The following SGCZ variants were observed in gnomAD, a reference collection of about 807,000 sequenced individuals.
SGCZ encodes the protein zeta-sarcoglycan.
A neutral mutation model predicts 41.3 loss-of-function variants in SGCZ; 40 were observed. The ratio of observed to expected loss-of-function variants is 0.97; its 90% CI spans 0.75 to 1.26. The LOEUF is 1.26. Ranked by LOEUF, SGCZ falls within the 50% of genes most tolerant of loss-of-function variation. The pLI, the probability that SGCZ is intolerant of heterozygous loss-of-function variation, is 0.00. For synonymous variants in SGCZ, 206 were observed against 137.5 expected, an observed-to-expected ratio of 1.50 and a Z score of -3.49; for missense variants, 552 against 369.8, an observed-to-expected ratio of 1.49 and a Z score of -4.04.
intron 1 of SGCZ, among the ~76,000 whole-genome samples, chr8:15,032,339 T>A (rs1803704099): frequency 6.6e-6 from 1 of 151,448 alleles, no homozygotes. Flanking sequence ...CAAAGGACAG[T>A]TTTACATGAC....
intron 1 of SGCZ, among the ~76,000 whole-genome samples, chr8:14,860,235 G>A (rs963949629): frequency 6.7e-6 from 1 of 148,732 alleles, no homozygotes; most frequent in Admixed American, 6.7e-5. Flanking sequence ...TATGACCTTC[G>A]TTCGAAAATG....
intron 2 of SGCZ, among the ~76,000 whole-genome samples, chr8:14,472,868 T>C (rs1020383157): frequency 7.9e-5 from 12 of 152,166 alleles, no homozygotes; most frequent in Non-Finnish European, 1.8e-4. Context: ...TTATCAATGC[T>C]AAGTTATCCC....
chr8:14,353,608 A>T (rs1027999704), intron 2 of SGCZ, among the ~76,000 whole-genome samples: 2 of 151,980 alleles, frequency 1.3e-5, no homozygotes, highest in East Asian at 3.9e-4. Flanking sequence ...TCTTCCTTTC[A>T]CTATGCTGTT....
At chr8:14,884,323 A>G (rs919193777) in intron 1 of SGCZ, among the ~76,000 whole-genome samples, 1 of 152,152 alleles carries the variant, frequency 6.6e-6, no homozygotes, top group Non-Finnish European at 1.5e-5. Context: ...AATAAGTTTT[A>G]CAATGACACT....
At chr8:15,034,899 G>T (rs202080299) in intron 1 of SGCZ, among the ~76,000 whole-genome samples, 6 of 152,092 alleles carry the variant, frequency 3.9e-5, no homozygotes, top group South Asian at 4.1e-4. Context: ...TATTTTTCCA[G>T]ATAAACAAAA....
Position 14,420,265 on chromosome 8 carries a change from C to A in SGCZ, c.235-96061G>T, listed in dbSNP as rs548982940. Among the ~76,000 whole-genome samples the A allele has an allele frequency of 2.0e-5, 3 of 151,872 alleles. No homozygotes were observed. The East Asian group carries it at 5.8e-4, about 29-fold the overall frequency. On this transcript the variant is annotated intron_variant, in intron 2 of 7. Transcript: ENST00000382080. ...TTCTCCTAAAGAAGACTAATAGAAA[C>A]AAAAGAAAAATAAATCTTTGCAGCC...
chr8:14,688,461 C>T (rs968532043), intron 1 of SGCZ, among the ~76,000 whole-genome samples: 1 of 152,226 alleles, frequency 6.6e-6, no homozygotes, highest in South Asian at 2.1e-4. Flanking sequence ...AATCCATTCC[C>T]CATTGCTTGT....
chr8:14,944,122 T>G (rs913122135), intron 1 of SGCZ, among the ~76,000 whole-genome samples: 3 of 152,116 alleles, frequency 2.0e-5, no homozygotes, highest in Non-Finnish European at 4.4e-5. Flanking sequence ...AGCCATCCTC[T>G]CCCCGCTTCA....
At chr8:14,224,259 G>A (rs372548436) in intron 4 of SGCZ, among the ~76,000 whole-genome samples, 4 of 152,174 alleles carry the variant, frequency 2.6e-5, no homozygotes, top group Admixed American at 2.0e-4. Context: ...AGTACATCCA[G>A]AAATTCATTT....
intron 1 of SGCZ, among the ~76,000 whole-genome samples, chr8:14,634,325 T>G (rs1457285676): frequency 6.6e-6 from 1 of 151,866 alleles, no homozygotes; most frequent in African/African-American, 2.4e-5. Context: ...TTATCCATTT[T>G]AAAGGGATAC....
At chr8:15,077,612 T>C (rs556453771) in intron 1 of SGCZ, among the ~76,000 whole-genome samples, 7 of 152,348 alleles carry the variant, frequency 4.6e-5, no homozygotes, top group South Asian at 4.1e-4. Context: ...TGTTGAACTC[T>C]AGGAATAGCC....
At chr8:15,176,080 T>G (rs1003364659) in intron 1 of SGCZ, among the ~76,000 whole-genome samples, 10 of 152,204 alleles carry the variant, frequency 6.6e-5, no homozygotes. Flanking sequence ...AGTGTTAAGT[T>G]TAACATTTTC....
At chr8:14,463,884 G>C (rs1436679989) in intron 2 of SGCZ, among the ~76,000 whole-genome samples, 1 of 145,444 alleles carries the variant, frequency 6.9e-6, no homozygotes, top group Non-Finnish European at 1.5e-5. Flanking sequence ...ATGATCATGT[G>C]TTTTTCTGCC....
rs150390039 is a variant in SGCZ at position 14,720,553 on chromosome 8, G to C, written c.40-165627C>G. 4.0e-4 allele frequency among the ~76,000 whole-genome samples: 61 copies of C among 151,794 alleles called. 1 individual carries two copies. The highest frequency in any genetic ancestry group is 1.5e-3 in the African/African-American group (60 of 41,248). On this transcript the variant is annotated intron_variant, in intron 1 of 7. Coordinates refer to ENST00000382080, the MANE Select transcript of SGCZ (RefSeq NM_139167.4). Reference sequence around the variant, plus strand: ...TTCCTAGGTTCACTCTGTATCAGTGGTCATCTGAGTTATTCTTATCCTTAT... The same window carrying C: ...TTCCTAGGTTCACTCTGTATCAGTGCTCATCTGAGTTATTCTTATCCTTAT...
chr8:14,850,772 C>T (rs1331187866), intron 1 of SGCZ, among the ~76,000 whole-genome samples: 1 of 152,112 alleles, frequency 6.6e-6, no homozygotes, highest in Non-Finnish European at 1.5e-5. Context: ...CCGCTGTTCT[C>T]ATGATAGTGA....
chr8:15,196,541 G>A (rs114510179), intron 1 of SGCZ, among the ~76,000 whole-genome samples: 3 of 146,254 alleles, frequency 2.1e-5, no homozygotes, highest in Admixed American at 1.4e-4. Context: ...TATATTGTGG[G>A]TGTTAAGACT....
At chr8:14,109,219 A>ATACTC (rs1287724828) in intron 5 of SGCZ, among the ~76,000 whole-genome samples, 2 of 152,326 alleles carry the variant, frequency 1.3e-5, no homozygotes, top group Admixed American at 6.5e-5. Flanking sequence ...AAGAGGTCAT[A>ATACTC]TACTCTAACA....
chr8:14,241,717 G>C (rs994908981), intron 3 of SGCZ, among the ~76,000 whole-genome samples: 3 of 152,072 alleles, frequency 2.0e-5, no homozygotes, highest in Admixed American at 6.6e-5. Flanking sequence ...AGACAAAGCA[G>C]ATAGGTGATC....
chr8:14,246,783 G>A (rs1236180841), intron 3 of SGCZ, among the ~76,000 whole-genome samples: 2 of 150,194 alleles, frequency 1.3e-5, no homozygotes, highest in African/African-American at 4.9e-5. Context: ...AGTGGCGGGC[G>A]CCTGTAGTCC....
Sources: gnomAD v4.1 joint callset for allele counts (sites outside exome capture counted in the v4.1 genomes callset) on GRCh38, gnomAD v4.1.1 for gene constraint, MANE v1.5 for transcripts, NCBI Gene and HGNC (gene_info 2026-07-23, HGNC 2026-07-21) for gene names.